Variants in ADGRD1 observed in about 807,000 individuals in gnomAD.
ADGRD1 encodes G-protein coupled receptor 133.
In ADGRD1, 77 loss-of-function variants were observed where a neutral mutation model predicts 113.4. That is an observed-to-expected ratio of 0.68 (90% CI 0.57 to 0.82). The LOEUF (loss-of-function observed/expected upper bound fraction) is 0.82, where lower values mean the gene tolerates loss of function less well. Ranked by LOEUF, ADGRD1 falls within the 40% of genes least tolerant of loss-of-function variation. The probability of loss-of-function intolerance (pLI) is 0.00; values close to 1 mark genes in which losing one functional copy is unlikely to be tolerated. For synonymous variants in ADGRD1, 474 were observed against 475.0 expected (o/e 1.00, Z 0.03); for missense variants, 1,036 against 1,139.1 (o/e 0.91, Z 1.30).
intron 12 of ADGRD1, among the ~76,000 whole-genome samples, chr12:131,009,351 T>TG (rs1403916304): frequency 2.0e-5 from 3 of 152,298 alleles, no homozygotes; most frequent in African/African-American, 7.2e-5. Context: ...AGTTCCGGAT[T>TG]GGGGGAGACT....
intron 4 of ADGRD1, among the ~76,000 whole-genome samples, chr12:130,979,241 C>T (rs73473224): frequency 0.081 from 12,327 of 152,228 alleles, 808 homozygotes; most frequent in African/African-American, 0.18. Flanking sequence ...AGTTGTACCC[C>T]GTAGCCTCTC....
Position 130,965,449 on chromosome 12 carries a change from C to T in ADGRD1, c.104-1014C>T, listed in dbSNP as rs886112112. Among the ~76,000 whole-genome samples, 5 of 152,064 alleles carry T rather than the reference C, an allele frequency of 3.3e-5. No homozygotes were observed. Among genetic ancestry groups the T allele is most frequent in the African/African-American group, 9.7e-5 (4 of 41,386 alleles). On this transcript the variant is annotated intron_variant, in intron 2 of 24. Coordinates refer to ENST00000261654, the MANE Select transcript of ADGRD1 (RefSeq NM_198827.5). The surrounding 1 kb of genome is among the most constrained non-coding windows in gnomAD (Gnocchi z 4.8). The stretch of plus-strand genomic sequence containing the variant: ...CTGTCCTTTTCTATGATCTAGCAGT[C>T]GCTTGGGGCAGTTGATTATTGTTTA...
intron 13 of ADGRD1, among the ~76,000 whole-genome samples, chr12:131,068,978 G>C (rs1187618089): frequency 6.6e-6 from 1 of 152,226 alleles, no homozygotes; most frequent in Non-Finnish European, 1.5e-5. Flanking sequence ...GAGCACAGCA[G>C]CTATATGGAT....
In ADGRD1 at chr12:131,075,610, G is replaced by T. The variant is rs184044930; in HGVS notation, c.1474-1191G>T. Among the ~76,000 whole-genome samples, 2 of 152,332 alleles carry T rather than the reference G, an allele frequency of 1.3e-5. No homozygotes were observed. The highest frequency in any genetic ancestry group is 3.9e-4 in the East Asian group (2 of 5,178). ...GGATAATTGGGTTGAGGCTGGAGGA[G>T]CTGTCAGACAGATGCTGCGATGATA... is the stretch of plus-strand genomic sequence containing the variant. On this transcript the variant is annotated intron_variant, in intron 13 of 24. Coordinates refer to ENST00000261654, the MANE Select transcript of ADGRD1 (RefSeq NM_198827.5). This position sits in a 1 kb window ranked among gnomAD's most constrained non-coding sequence, Gnocchi z 5.3.
intron 24 of ADGRD1, 127 bp downstream of exon 24, chr12:131,138,356 C>A: frequency 2.7e-6 from 2 of 727,954 alleles, no homozygotes; most frequent in Non-Finnish European, 4.7e-6. Context: ...GTCCCCCTCT[C>A]ATGCCTGCAG....
chr12:131,132,402 G>A (rs1950956940), intron 21 of ADGRD1, among the ~76,000 whole-genome samples: 1 of 152,192 alleles, frequency 6.6e-6, no homozygotes, highest in Admixed American at 6.5e-5. Flanking sequence ...CGGCCCAGCC[G>A]ATTGCAGGTG....
chr12:130,993,973 C>T (rs1056786295), intron 8 of ADGRD1: 4 of 162,406 alleles, frequency 2.5e-5, no homozygotes, highest in Admixed American at 2.5e-4. Flanking sequence ...GAAATCTTTC[C>T]CATGGTTCCC....
At position 131,033,311 on chromosome 12, in the gene ADGRD1, G is replaced by A. The variant is rs535821152; in HGVS notation, c.1473+18971G>A. 1.5e-4 allele frequency among the ~76,000 whole-genome samples: 23 copies of A among 152,330 alleles called. No homozygotes were observed. The East Asian group carries it at 2.1e-3, about 14-fold the overall frequency. The stretch of plus-strand genomic sequence containing the variant: ...CTTCCAGGCCGGAGGGGTTTCTAGA[G>A]CTGGTCATTGCTGGGGCCAGGGTGC... On this transcript the variant is annotated intron_variant, in intron 13 of 24. Coordinates refer to ENST00000261654, the MANE Select transcript of ADGRD1 (RefSeq NM_198827.5).
rs567812683 is a variant in ADGRD1, at chr12:130,999,558, G to A, written c.967-825G>A. On this transcript the variant is annotated intron_variant, in intron 8 of 24. Coordinates refer to ENST00000261654, the MANE Select transcript of ADGRD1 (RefSeq NM_198827.5). ...TGAGTATTCTGGAGATGGCGGTTTGGTGGAAATATGGGAGAGTTCGGTCAG... is the reference window on the plus strand; with the variant it reads ...TGAGTATTCTGGAGATGGCGGTTTGATGGAAATATGGGAGAGTTCGGTCAG... Among the ~76,000 whole-genome samples the A allele has an allele frequency of 2.0e-5, 3 of 152,342 alleles. No individual in the cohort carries two copies. The East Asian group carries it at 5.8e-4, about 29-fold the overall frequency.
chr12:131,054,500 G>A (rs1883675949), intron 13 of ADGRD1, among the ~76,000 whole-genome samples: 1 of 152,166 alleles, frequency 6.6e-6, no homozygotes. Flanking sequence ...AGACCCTTCT[G>A]TGCGCTCCAC....
chr12:130,989,043 T>G (rs940556997), intron 6 of ADGRD1: 2 of 152,244 alleles, frequency 1.3e-5, no homozygotes, highest in African/African-American at 4.8e-5. Context: ...CAAAACAGCC[T>G]GTGTCCACTA....
intron 18 of ADGRD1, among the ~76,000 whole-genome samples, chr12:131,112,616 T>A (rs1252767765): frequency 6.6e-6 from 1 of 152,232 alleles, no homozygotes; most frequent in Admixed American, 6.5e-5. Flanking sequence ...TTCTCCACTC[T>A]GCTTTAAATC....
chr12:131,088,695 C>T (rs1024300739), intron 15 of ADGRD1, among the ~76,000 whole-genome samples: 8 of 152,090 alleles, frequency 5.3e-5, no homozygotes, highest in Non-Finnish European at 1.0e-4. Flanking sequence ...GGAGAGGTGG[C>T]GGAGGCTGCT....
intron 2 of ADGRD1, chr12:130,957,678 A>C (rs771787107): frequency 1.3e-5 from 2 of 152,288 alleles, no homozygotes; most frequent in African/African-American, 4.8e-5. Context: ...TTGTTCTTCC[A>C]AGTCTGGATT....
Position 131,003,523 on chromosome 12 carries a change from T to C in ADGRD1, c.1144+221T>C, listed in dbSNP as rs112046530. On this transcript the variant is annotated intron_variant, in intron 10 of 24. Coordinates refer to ENST00000261654, the MANE Select transcript of ADGRD1 (RefSeq NM_198827.5). This position sits in a 1 kb window ranked among gnomAD's most constrained non-coding sequence, Gnocchi z 4.8. ...GGGCCCATAAGCTTTTCCCAGTGAC[T>C]TGGGAGCCAAGCTCCTGCCCTGGGA... 7.7e-3 allele frequency among the ~76,000 whole-genome samples: 1,174 copies of C among 152,206 alleles called. 9 individuals are homozygous for C. Among genetic ancestry groups the C allele is most frequent in the African/African-American group, 0.027 (1,122 of 41,512 alleles).
intron 8 of ADGRD1, among the ~76,000 whole-genome samples, chr12:130,998,612 G>T (rs1875926273): frequency 6.6e-6 from 1 of 152,052 alleles, no homozygotes; most frequent in Non-Finnish European, 1.5e-5. Flanking sequence ...CTACAGGCAT[G>T]CACCACTACA....
Position 130,954,591 on chromosome 12 carries a change from AG to A in ADGRD1, c.67-32del. On this transcript the variant is annotated intron_variant, in intron 1 of 24. Transcript: ENST00000261654. This position sits in a 1 kb window ranked among gnomAD's most constrained non-coding sequence, Gnocchi z 4.7. ...TTGGTTTCTCCGGAGGCTTTCCCTGAGTGTGTCTCACACTGTGGTCTTTTGT... is the reference window on the plus strand; with the variant it reads ...TTGGTTTCTCCGGAGGCTTTCCCTGATGTGTCTCACACTGTGGTCTTTTGT... The A allele has an allele frequency of 6.2e-7, 1 of 1,613,944 alleles. No individual in the cohort carries two copies. Among genetic ancestry groups the A allele is most frequent in the Non-Finnish European group, 8.5e-7 (1 of 1,179,890 alleles).
chr12:131,127,471 G>A (rs1217191617), intron 20 of ADGRD1, among the ~76,000 whole-genome samples: 1 of 152,196 alleles, frequency 6.6e-6, no homozygotes, highest in Non-Finnish European at 1.5e-5. Context: ...GCTCATGTGG[G>A]TGTTGGTTGT....
intron 15 of ADGRD1, among the ~76,000 whole-genome samples, chr12:131,085,314 G>A (rs567337955): frequency 1.3e-5 from 2 of 152,168 alleles, no homozygotes; most frequent in Non-Finnish European, 1.5e-5. Context: ...AGGCCTGGGG[G>A]CAGAATGTTC....
Sources: allele counts gnomAD v4.1 joint callset (sites outside exome capture counted in the v4.1 genomes callset), GRCh38; gene constraint gnomAD v4.1.1; non-coding constraint Gnocchi (gnomAD v3.1); transcripts MANE v1.5; gene names NCBI Gene and HGNC (gene_info 2026-07-23, HGNC 2026-07-21).